GPC5: variants seen among roughly 807,000 people sequenced by gnomAD.
GPC5 encodes the protein glypican 5.
Under a neutral mutation model 53.9 loss-of-function variants are expected in GPC5, and 47 were observed. The ratio of observed to expected loss-of-function variants is 0.87; its 90% CI spans 0.69 to 1.11. GPC5 has a LOEUF of 1.11. GPC5 is among the 50% of genes most tolerant of loss of function. The pLI is 0.00. For synonymous variants in GPC5, 286 were observed against 263.3 expected, an observed-to-expected ratio of 1.09 and a Z score of -0.84; for missense variants, 748 against 713.1, an observed-to-expected ratio of 1.05 and a Z score of -0.56.
At chr13:91,924,527 C>A (rs138800890) in intron 6 of GPC5, among the ~76,000 whole-genome samples, 6,628 of 151,844 alleles carry the variant, frequency 0.044, 385 homozygotes, top group African/African-American at 0.14. Flanking sequence ...GAGTTTGAGA[C>A]CAGCCTGGGC....
At chr13:92,734,945 G>T (rs1180940126) in intron 7 of GPC5, among the ~76,000 whole-genome samples, 1 of 151,830 alleles carries the variant, frequency 6.6e-6, no homozygotes, top group East Asian at 1.9e-4. Flanking sequence ...GATTTAAAAA[G>T]ATAGGTTATT....
intron 7 of GPC5, among the ~76,000 whole-genome samples, chr13:92,181,409 A>G (rs1428363880): frequency 6.6e-6 from 1 of 152,226 alleles, no homozygotes; most frequent in Non-Finnish European, 1.5e-5. Context: ...CAAACAAAAA[A>G]TAAATAAAAT....
intron 1 of GPC5, among the ~76,000 whole-genome samples, chr13:91,407,416 G>T (rs551089592): frequency 6.6e-6 from 1 of 152,274 alleles, no homozygotes; most frequent in South Asian, 2.1e-4. Context: ...AACATCTAAA[G>T]GATTAATTTG....
intron 3 of GPC5, among the ~76,000 whole-genome samples, chr13:91,709,445 C>A (rs2036179545): frequency 6.6e-6 from 1 of 152,112 alleles, no homozygotes; most frequent in African/African-American, 2.4e-5. Context: ...GTTCCTTTAG[C>A]ATTCGGTCTT....
intron 6 of GPC5, among the ~76,000 whole-genome samples, chr13:92,080,443 G>A (rs2041286358): frequency 6.6e-6 from 1 of 152,114 alleles, no homozygotes; most frequent in South Asian, 2.1e-4. Flanking sequence ...AAAACAAAAT[G>A]TCTTAGTTTT....
chr13:92,228,909 G>C (rs949184827), intron 7 of GPC5, among the ~76,000 whole-genome samples: 4 of 152,010 alleles, frequency 2.6e-5, no homozygotes, highest in Non-Finnish European at 5.9e-5. Flanking sequence ...CCATTTTGAT[G>C]ATATTGATAG....
At chr13:91,466,994 G>A (rs1009366394) in intron 2 of GPC5, among the ~76,000 whole-genome samples, 4 of 152,088 alleles carry the variant, frequency 2.6e-5, no homozygotes, top group African/African-American at 9.7e-5. Flanking sequence ...TAATTGAAAT[G>A]CATCCAAATC....
At chr13:91,575,126 C>T (rs913925637) in intron 2 of GPC5, among the ~76,000 whole-genome samples, 1 of 152,138 alleles carries the variant, frequency 6.6e-6, no homozygotes, top group Admixed American at 6.5e-5. Flanking sequence ...TTTTCTGCCA[C>T]TTCTGAAGTT....
intron 7 of GPC5, among the ~76,000 whole-genome samples, chr13:92,282,255 C>T (rs571507814): frequency 2.0e-4 from 30 of 152,204 alleles, no homozygotes; most frequent in African/African-American, 7.2e-4. Flanking sequence ...TGTGAAAAGA[C>T]CAAATCTACA....
At chr13:92,349,318 T>A (rs529300593) in intron 7 of GPC5, among the ~76,000 whole-genome samples, 1 of 152,234 alleles carries the variant, frequency 6.6e-6, no homozygotes, top group African/African-American at 2.4e-5. Flanking sequence ...TAATGTTTTA[T>A]ATTTTTAGTA....
Position 91,399,046 on chromosome 13 carries a change from G to C in GPC5, c.-1G>C. The stretch of plus-strand genomic sequence containing the variant: ...GGGTAAAGGGGACCAGGACGGCGAG[G>C]ATGGACGCACAGACCTGGCCCGTGG... On this transcript the variant is annotated 5_prime_UTR_variant, in exon 1 of 8. Transcript: ENST00000377067. 1.3e-6 allele frequency: 2 copies of C among 1,550,568 alleles called. No homozygotes were observed. Among genetic ancestry groups the C allele is most frequent in the Non-Finnish European group, 1.7e-6 (2 of 1,147,258 alleles).
At chr13:91,717,164 A>G (rs1315689544) in intron 3 of GPC5, among the ~76,000 whole-genome samples, 3 of 152,244 alleles carry the variant, frequency 2.0e-5, no homozygotes, top group Non-Finnish European at 4.4e-5. Flanking sequence ...GAAAAAAAGA[A>G]AAGTAGAGAC....
intron 7 of GPC5, among the ~76,000 whole-genome samples, chr13:92,273,078 A>G (rs1032485073): frequency 3.3e-5 from 5 of 152,168 alleles, no homozygotes; most frequent in Non-Finnish European, 5.9e-5. Flanking sequence ...ACTTGAAAAT[A>G]AATTTACTTG....
chr13:91,721,623 G>T (rs976829702), intron 3 of GPC5, among the ~76,000 whole-genome samples: 1 of 152,218 alleles, frequency 6.6e-6, no homozygotes, highest in African/African-American at 2.4e-5. Context: ...GATCTGGCCA[G>T]TCTGCCTCTT....
chr13:92,652,016 T>C (rs1411890378), intron 7 of GPC5, among the ~76,000 whole-genome samples: 6 of 152,116 alleles, frequency 3.9e-5, no homozygotes, highest in Non-Finnish European at 8.8e-5. Context: ...TGAACACATA[T>C]GCATACACCC....
At chr13:91,444,261 A>C (rs1880632527) in intron 1 of GPC5, among the ~76,000 whole-genome samples, 1 of 151,992 alleles carries the variant, frequency 6.6e-6, no homozygotes. Flanking sequence ...TCTGAGTTTT[A>C]AAATTCTGAC....
chr13:92,697,768 T>G (rs921828497), intron 7 of GPC5, among the ~76,000 whole-genome samples: 3 of 152,198 alleles, frequency 2.0e-5, no homozygotes, highest in African/African-American at 4.8e-5. Flanking sequence ...ATCCTTGTCT[T>G]GTGCCAGTTT....
At chr13:91,633,848 G>A (rs967156166) in intron 2 of GPC5, among the ~76,000 whole-genome samples, 1 of 152,174 alleles carries the variant, frequency 6.6e-6, no homozygotes, top group East Asian at 1.9e-4. Context: ...TCTCAGATGA[G>A]GATAATGACT....
chr13:92,781,169 A>G (rs1367388318), intron 7 of GPC5, among the ~76,000 whole-genome samples: 1 of 152,156 alleles, frequency 6.6e-6, no homozygotes, highest in African/African-American at 2.4e-5. Context: ...TTGTTGAATT[A>G]TGTAAACATA....
Sources: allele counts gnomAD v4.1 joint callset (sites outside exome capture counted in the v4.1 genomes callset), GRCh38; gene constraint gnomAD v4.1.1; transcripts MANE v1.5; gene names NCBI Gene and HGNC (gene_info 2026-07-23, HGNC 2026-07-21).